ROBO1: variants seen among roughly 807,000 people sequenced by gnomAD.
ROBO1 encodes roundabout guidance receptor 1.
A neutral mutation model predicts 195.9 loss-of-function variants in ROBO1; 149 were observed. That is an observed-to-expected ratio of 0.76 (90% CI 0.67 to 0.87). The LOEUF (loss-of-function observed/expected upper bound fraction) is 0.87, where lower values mean the gene tolerates loss of function less well. Among genes scored for constraint, ROBO1 ranks in the 40% least tolerant of loss-of-function variants. The pLI, the probability that ROBO1 is intolerant of heterozygous loss-of-function variation, is 0.00. For missense variants in ROBO1, 1,933 were observed against 2,068.3 expected (o/e 0.93, Z 1.27); for synonymous variants, 816 against 733.2 (o/e 1.11, Z -1.82).
chr3:79,690,501 A>G (rs1234377645), intron 1 of ROBO1, among the ~76,000 whole-genome samples: 1 of 152,028 alleles, frequency 6.6e-6, no homozygotes, highest in African/African-American at 2.4e-5. Context: ...GAGCCCACAG[A>G]TAAGAACACA....
At chr3:79,508,794 T>C (rs1417653108) in intron 2 of ROBO1, among the ~76,000 whole-genome samples, 1 of 152,214 alleles carries the variant, frequency 6.6e-6, no homozygotes, top group Non-Finnish European at 1.5e-5. Flanking sequence ...ATGGGTTTTG[T>C]TGGAGGCTGG....
intron 2 of ROBO1, among the ~76,000 whole-genome samples, chr3:79,537,019 C>A (rs757327735): frequency 6.6e-5 from 9 of 137,356 alleles, no homozygotes; most frequent in Non-Finnish European, 1.3e-4. Flanking sequence ...AACTTATACT[C>A]ACAGTAAAAG....
intron 4 of ROBO1, chr3:78,759,252 G>C (rs557224089): frequency 6.6e-6 from 1 of 152,502 alleles, no homozygotes; most frequent in South Asian, 2.1e-4. Context: ...TTGGGTATCT[G>C]TGAATCTCAC....
chr3:79,603,799 T>A (rs1944406405), intron 1 of ROBO1, among the ~76,000 whole-genome samples: 1 of 152,016 alleles, frequency 6.6e-6, no homozygotes, highest in Non-Finnish European at 1.5e-5. Context: ...ATGAATAAGA[T>A]GTACTGACAT....
chr3:78,764,554 G>A (rs988017615), intron 4 of ROBO1, among the ~76,000 whole-genome samples: 1 of 152,030 alleles, frequency 6.6e-6, no homozygotes, highest in Admixed American at 6.6e-5. Flanking sequence ...ACTGTGGAGC[G>A]GCTGCTTATC....
At chr3:79,201,335 A>G (rs1368798644) in intron 2 of ROBO1, among the ~76,000 whole-genome samples, 1 of 151,972 alleles carries the variant, frequency 6.6e-6, no homozygotes, top group Non-Finnish European at 1.5e-5. Context: ...TTTTTCTGTC[A>G]GTAGAGAGAA....
chr3:79,679,088 A>C (rs1483817352), intron 1 of ROBO1, among the ~76,000 whole-genome samples: 2 of 152,010 alleles, frequency 1.3e-5, no homozygotes, highest in African/African-American at 4.8e-5. Flanking sequence ...TTTCCCCTTA[A>C]TCCCACAAAT....
intron 26 of ROBO1, among the ~76,000 whole-genome samples, chr3:78,619,424 C>A (rs918409416): frequency 6.6e-6 from 1 of 151,726 alleles, no homozygotes; most frequent in Non-Finnish European, 1.5e-5. Context: ...AGGATTGAGG[C>A]CTTCATCAGT....
At chr3:79,491,478 C>G (rs976586455) in intron 2 of ROBO1, among the ~76,000 whole-genome samples, 1 of 152,012 alleles carries the variant, frequency 6.6e-6, no homozygotes, top group Non-Finnish European at 1.5e-5. Context: ...GAAATACGAC[C>G]CTGGCTCTAG....
At chr3:78,697,141 T>G (rs926723919) in intron 8 of ROBO1, among the ~76,000 whole-genome samples, 2 of 152,074 alleles carry the variant, frequency 1.3e-5, no homozygotes, top group Non-Finnish European at 2.9e-5. Flanking sequence ...TCTAAATTAC[T>G]TATTTGTTTT....
chr3:79,754,627 G>C (rs1244696556), intron 1 of ROBO1, among the ~76,000 whole-genome samples: 2 of 152,184 alleles, frequency 1.3e-5, no homozygotes, highest in African/African-American at 4.8e-5. Context: ...GCAGTTTGGA[G>C]AGACTTAATG....
At chr3:79,581,733 AAC>A (rs1210517572) in intron 2 of ROBO1, among the ~76,000 whole-genome samples, 1 of 152,124 alleles carries the variant, frequency 6.6e-6, no homozygotes, top group Non-Finnish European at 1.5e-5. Context: ...TATACATATA[AAC>A]ACACACAGAT....
At chr3:78,774,474 C>T (rs2083455585) in intron 4 of ROBO1, among the ~76,000 whole-genome samples, 1 of 152,046 alleles carries the variant, frequency 6.6e-6, no homozygotes, top group Non-Finnish European at 1.5e-5. Flanking sequence ...CCACGCCCAG[C>T]TAATTTTTTG....
At chr3:79,681,618 G>A (rs1456426352) in intron 1 of ROBO1, among the ~76,000 whole-genome samples, 2 of 151,850 alleles carry the variant, frequency 1.3e-5, no homozygotes, top group African/African-American at 4.8e-5. Context: ...TGATGATCTT[G>A]TGGTAGATAG....
chr3:79,193,505 C>T (rs970062821), intron 2 of ROBO1, among the ~76,000 whole-genome samples: 17 of 150,856 alleles, frequency 1.1e-4, no homozygotes, highest in Non-Finnish European at 5.9e-5. Context: ...CCATGCTCCC[C>T]TCTACTGCAT....
intron 2 of ROBO1, among the ~76,000 whole-genome samples, chr3:79,231,726 G>C (rs951313055): frequency 2.0e-5 from 3 of 152,116 alleles, no homozygotes; most frequent in African/African-American, 7.2e-5. Context: ...ATACCCAAAA[G>C]GGTATAAATT....
chr3:79,109,251 A>T (rs1446247838), intron 3 of ROBO1, among the ~76,000 whole-genome samples: 1 of 151,926 alleles, frequency 6.6e-6, no homozygotes, highest in Admixed American at 6.6e-5. Flanking sequence ...TGCAGATGCT[A>T]GCATAAAACA....
chr3:79,687,201 T>G (rs1022882850), intron 1 of ROBO1, among the ~76,000 whole-genome samples: 2 of 152,178 alleles, frequency 1.3e-5, no homozygotes, highest in African/African-American at 4.8e-5. Context: ...CTTTACACCT[T>G]ATACAAAAAT....
At chr3:79,478,010 G>A (rs1216611151) in intron 2 of ROBO1, among the ~76,000 whole-genome samples, 1 of 152,108 alleles carries the variant, frequency 6.6e-6, no homozygotes, top group Non-Finnish European at 1.5e-5. Flanking sequence ...AGACATTAGT[G>A]CATGTTTTCC....
Sources: allele counts gnomAD v4.1 joint callset (sites outside exome capture counted in the v4.1 genomes callset), GRCh38; gene constraint gnomAD v4.1.1; transcripts MANE v1.5; gene names NCBI Gene and HGNC (gene_info 2026-07-23, HGNC 2026-07-21).